The following KCNN3 variants were observed in gnomAD, a reference collection of about 807,000 sequenced individuals.
The protein encoded by KCNN3 is small conductance calcium-activated potassium channel protein 3.
Under a neutral mutation model 62.9 loss-of-function variants are expected in KCNN3, and 16 were observed. That is an observed-to-expected ratio of 0.25 (90% confidence interval 0.17 to 0.39). KCNN3 has a LOEUF of 0.39. KCNN3 is among the 10% of genes least tolerant of loss of function. KCNN3 has a pLI of 1.00. For missense variants in KCNN3, 599 were observed against 949.4 expected, an observed-to-expected ratio of 0.63 and a Z score of 4.85; for synonymous variants, 370 against 389.2, an observed-to-expected ratio of 0.95 and a Z score of 0.58.
chr1:154,829,814 C>T (rs1319835969), intron 1 of KCNN3, among the ~76,000 whole-genome samples: 4 of 152,170 alleles, frequency 2.6e-5, no homozygotes, highest in Admixed American at 6.5e-5. Flanking sequence ...CCAGGAACCC[C>T]GCTGGTCTGC....
At chr1:154,763,338 A>G (rs1648109546) in intron 3 of KCNN3, among the ~76,000 whole-genome samples, 2 of 151,884 alleles carry the variant, frequency 1.3e-5, no homozygotes, top group African/African-American at 4.8e-5. Flanking sequence ...TGTTCTTCTA[A>G]TGGATTCAGT....
intron 3 of KCNN3, chr1:154,737,047 G>A: frequency 1.4e-6 from 1 of 702,280 alleles, no homozygotes. Flanking sequence ...AACTCACCAA[G>A]CAGGAAGTGA....
At chr1:154,827,989 C>A (rs578236083) in intron 1 of KCNN3, among the ~76,000 whole-genome samples, 2 of 152,080 alleles carry the variant, frequency 1.3e-5, no homozygotes. Context: ...GACTGTCCAA[C>A]CTGAGACCGG....
chr1:154,830,391 T>G (rs1651333275), intron 1 of KCNN3, among the ~76,000 whole-genome samples: 2 of 152,180 alleles, frequency 1.3e-5, no homozygotes, highest in Non-Finnish European at 2.9e-5. Context: ...GAAGACAGGA[T>G]GGCAATTGCC....
At chr1:154,814,754 T>G (rs1557989457) in intron 2 of KCNN3, among the ~76,000 whole-genome samples, 1 of 152,200 alleles carries the variant, frequency 6.6e-6, no homozygotes, top group East Asian at 1.9e-4. Flanking sequence ...TATTCCATGG[T>G]GTTCTGACTT....
rs74579513 is a variant in KCNN3 at position 154,743,796 on chromosome 1, G to A, written c.1449-10652C>T. Among the ~76,000 whole-genome samples, 13 of 152,292 alleles carry A rather than the reference G, an allele frequency of 8.5e-5. No individual in the cohort carries two copies. The East Asian group carries it at 1.9e-3, about 23-fold the overall frequency. ...AGGCTGACATAAGTGTTCCCAGCAC[G>A]TTTAAGGTAGGCTGGGCTAAGCTAT... is the stretch of plus-strand genomic sequence containing the variant. On this transcript the variant is annotated intron_variant, in intron 3 of 7. Transcript: ENST00000271915.
intron 3 of KCNN3, among the ~76,000 whole-genome samples, chr1:154,768,589 G>C (rs1648402810): frequency 6.6e-6 from 1 of 152,196 alleles, no homozygotes; most frequent in Non-Finnish European, 1.5e-5. Flanking sequence ...GAAGCAAACG[G>C]GGTTAGGCCT....
rs1360685161 is a variant in KCNN3, at chr1:154,869,878, C to T, written c.87G>A (p.Glu29=). Residue 29 remains glutamate, a synonymous_variant, in exon 1 of 8, where the codon GAG becomes GAA. Transcript: ENST00000271915. This position sits in a 1 kb window ranked among gnomAD's most constrained non-coding sequence, Gnocchi z 6.1. ...PKCPCPSSGD[E]QQQQQQQQQQ... ...GTTGCTGCTGCTGCTGCTGCTGCTG[C>T]TCATCCCCAGAGGATGGACAGGGGC... 6.2e-7 allele frequency: 1 copy of T among 1,602,654 alleles called. No homozygotes were observed. The highest frequency in any genetic ancestry group is 8.5e-7 in the Non-Finnish European group (1 of 1,174,618).
intron 2 of KCNN3, among the ~76,000 whole-genome samples, chr1:154,808,529 G>A (rs1035445589): frequency 1.1e-4 from 17 of 152,256 alleles, no homozygotes; most frequent in Admixed American, 3.3e-4. Flanking sequence ...GTGTGTCTGC[G>A]TGCTTATCTC....
chr1:154,765,527 A>G (rs188592168), intron 3 of KCNN3, among the ~76,000 whole-genome samples: 1 of 152,286 alleles, frequency 6.6e-6, no homozygotes, highest in East Asian at 1.9e-4. Flanking sequence ...TATGTGAACC[A>G]GATACATTTT....
At position 154,869,307 on chromosome 1, in the gene KCNN3, C is replaced by T. The variant is rs1160705864; in HGVS notation, c.658G>A (p.Val220Ile). Reference sequence around the variant, plus strand: ...TGGTTGTCCTCCCGGGAGGAGATGACGATCTCCGGGGGGTTGCTAGGGCTG... The same window carrying T: ...TGGTTGTCCTCCCGGGAGGAGATGATGATCTCCGGGGGGTTGCTAGGGCTG... ...LFSPSNPPEI[V>I]ISSREDNHAH... Residue 220 changes from valine to isoleucine, a missense_variant, in exon 1 of 8, where the codon GTC becomes ATC. Coordinates refer to ENST00000271915, the MANE Select transcript of KCNN3 (RefSeq NM_002249.6). The surrounding 1 kb of genome is among the most constrained non-coding windows in gnomAD (Gnocchi z 6.1). 1.9e-6 allele frequency: 3 copies of T among 1,613,534 alleles called. No individual in the cohort carries two copies. The highest frequency in any genetic ancestry group is 2.5e-6 in the Non-Finnish European group (3 of 1,179,586).
At chr1:154,864,720 G>A (rs1310578390) in intron 1 of KCNN3, among the ~76,000 whole-genome samples, 1 of 152,234 alleles carries the variant, frequency 6.6e-6, no homozygotes, top group Non-Finnish European at 1.5e-5. Flanking sequence ...CTGCCACCTG[G>A]GTTACCCCAG....
At chr1:154,787,680 G>A (rs1223485506) in intron 2 of KCNN3, among the ~76,000 whole-genome samples, 1 of 152,144 alleles carries the variant, frequency 6.6e-6, no homozygotes, top group East Asian at 1.9e-4. Context: ...CCCCACACTA[G>A]AGGGCCCTGC....
In KCNN3 at chr1:154,701,565, G is replaced by A. The variant is rs1699852979; in HGVS notation, c.*6411C>T. ...TGAGTTGCTTAATTTTGCTATAAAG[G>A]ACAATATCTCAACGGGAACCCTTTA... On this transcript the variant is annotated 3_prime_UTR_variant, in exon 8 of 8. Coordinates refer to ENST00000271915, the MANE Select transcript of KCNN3 (RefSeq NM_002249.6). 6.6e-6 allele frequency: 1 copy of A among 152,164 alleles called. No homozygotes were observed. Among genetic ancestry groups the A allele is most frequent in the Admixed American group, 6.5e-5 (1 of 15,280 alleles). 9.4% of individuals were successfully genotyped at this position (152,164 alleles called of 1,614,324 possible).
At chr1:154,748,175 T>TGTGG (rs2101810198) in intron 3 of KCNN3, among the ~76,000 whole-genome samples, 1 of 152,320 alleles carries the variant, frequency 6.6e-6, no homozygotes, top group Non-Finnish European at 1.5e-5. Flanking sequence ...CACTCCCTGC[T>TGTGG]GTGGGCCTCT....
intron 2 of KCNN3, among the ~76,000 whole-genome samples, chr1:154,820,922 A>G (rs112382325): frequency 1.3e-3 from 197 of 152,334 alleles, no homozygotes; most frequent in African/African-American, 4.5e-3. Flanking sequence ...AGGCTCTCTA[A>G]GAGGAGGAGG....
At chr1:154,804,926 T>G (rs1222881272) in intron 2 of KCNN3, among the ~76,000 whole-genome samples, 2 of 152,180 alleles carry the variant, frequency 1.3e-5, no homozygotes, top group Non-Finnish European at 2.9e-5. Context: ...CAAGCTGAAC[T>G]GATGCAGACA....
chr1:154,721,424 C>T (rs560963261), intron 5 of KCNN3, among the ~76,000 whole-genome samples: 2 of 151,956 alleles, frequency 1.3e-5, no homozygotes, highest in African/African-American at 2.4e-5. Flanking sequence ...CTCAGCCTCC[C>T]GAGAAGCTGG....
chr1:154,867,832 A>C, intron 1 of KCNN3: 1 of 387,594 alleles, frequency 2.6e-6, no homozygotes, highest in Non-Finnish European at 3.5e-6. Flanking sequence ...CACACACACC[A>C]ACAAATTGGG....
Sources: gnomAD v4.1 joint callset for allele counts (sites outside exome capture counted in the v4.1 genomes callset) on GRCh38, gnomAD v4.1.1 for gene constraint, Gnocchi (gnomAD v3.1) non-coding constraint, MANE v1.5 for transcripts, NCBI Gene and HGNC (gene_info 2026-07-23, HGNC 2026-07-21) for gene names.